The following PCDHGA11 variants were observed in gnomAD, a reference collection of about 807,000 sequenced individuals.
PCDHGA11 encodes protocadherin gamma subfamily A, 11, also known as protocadherin gamma-A11.
In PCDHGA11, 39 loss-of-function variants were observed where a neutral mutation model predicts 60.4. The observed-to-expected ratio is 0.65, with a 90% confidence interval of 0.50 to 0.84. PCDHGA11 has a LOEUF of 0.84. Among genes scored for constraint, PCDHGA11 ranks in the 40% least tolerant of loss-of-function variants. The probability of loss-of-function intolerance (pLI) is 0.00; values close to 1 mark genes in which losing one functional copy is unlikely to be tolerated. For missense variants in PCDHGA11, 1,165 were observed against 1,197.7 expected (o/e 0.97, Z 0.40); for synonymous variants, 533 against 510.3 (o/e 1.04, Z -0.60).
At chr5:141,436,324 G>A (rs972756085) in intron 1 of PCDHGA11, among the ~76,000 whole-genome samples, 10 of 152,134 alleles carry the variant, frequency 6.6e-5, no homozygotes, top group African/African-American at 2.4e-4. Flanking sequence ...AAGACTGTTA[G>A]ACCATATCTC....
At chr5:141,428,175 G>A (rs766332920) in intron 1 of PCDHGA11, 20 of 1,508,456 alleles carry the variant, frequency 1.3e-5, no homozygotes, top group Non-Finnish European at 1.8e-5. Flanking sequence ...GTGCGTGACG[G>A]AGGACAGCCG....
Position 141,511,212 on chromosome 5 carries a change from C to T in PCDHGA11, c.*39C>T. ...CCAAGAGCCACAGGGCGGCCTCTCC[C>T]CAACCAGCCCAGCTTCTCCTTACCT... is the stretch of plus-strand genomic sequence containing the variant. On this transcript the variant is annotated 3_prime_UTR_variant, in exon 4 of 4. Coordinates refer to ENST00000398587, the MANE Select transcript of PCDHGA11 (RefSeq NM_018914.3). 6.2e-7 allele frequency: 1 copy of T among 1,608,656 alleles called. No individual in the cohort carries two copies. Among genetic ancestry groups the T allele is most frequent in the Non-Finnish European group, 8.5e-7 (1 of 1,177,502 alleles).
chr5:141,506,228 A>T (rs538354130), intron 3 of PCDHGA11, among the ~76,000 whole-genome samples: 1 of 152,266 alleles, frequency 6.6e-6, no homozygotes, highest in East Asian at 1.9e-4. Context: ...AGGCAGGAGG[A>T]TCATGAGGTC....
Position 141,476,752 on chromosome 5 carries a change from A to T in PCDHGA11, c.2434-18055A>T, listed in dbSNP as rs771355583. On this transcript the variant is annotated intron_variant, in intron 1 of 3. Coordinates refer to ENST00000398587, the MANE Select transcript of PCDHGA11 (RefSeq NM_018914.3). This position sits in a 1 kb window ranked among gnomAD's most constrained non-coding sequence, Gnocchi z 7.6. ...GAGAACGGGAGCCTAGTCTCCAGTTAGTGCTGACGGCGTTGGACGGAGGGA... is the reference window on the plus strand; with the variant it reads ...GAGAACGGGAGCCTAGTCTCCAGTTTGTGCTGACGGCGTTGGACGGAGGGA... 1.2e-6 allele frequency: 2 copies of T among 1,613,926 alleles called. No individual in the cohort carries two copies. Among genetic ancestry groups the T allele is most frequent in the South Asian group, 2.2e-5 (2 of 91,080 alleles).
At position 141,486,691 on chromosome 5, in the gene PCDHGA11, T is replaced by C. The variant is rs778748447; in HGVS notation, c.2434-8116T>C. 8 of 1,614,024 alleles carry C rather than the reference T, an allele frequency of 5.0e-6. No individual in the cohort carries two copies. The highest frequency in any genetic ancestry group is 1.3e-5 in the African/African-American group (1 of 74,922). The stretch of plus-strand genomic sequence containing the variant: ...GGAATCGAGATGTATCAGCTTCCTC[T>C]TTCATCTCTCTGAACCCCCAGACAG... On this transcript the variant is annotated intron_variant, in intron 1 of 3. Coordinates refer to ENST00000398587, the MANE Select transcript of PCDHGA11 (RefSeq NM_018914.3). The surrounding 1 kb of genome is among the most constrained non-coding windows in gnomAD (Gnocchi z 5.0).
chr5:141,428,063 C>T lies in PCDHGA11; in HGVS notation c.2433+4403C>T, dbSNP rs777477669. 12 of 1,609,054 alleles carry T rather than the reference C, an allele frequency of 7.5e-6. No individual in the cohort carries two copies. In the African/African-American group the frequency reaches 1.3e-4, roughly 18 times the overall value. ...TGGTGACCAAGGTGGTGGCGGTGGA[C>T]GCAGATTCGGGACACAACGCTTGGC... On this transcript the variant is annotated intron_variant, in intron 1 of 3. Coordinates refer to ENST00000398587, the MANE Select transcript of PCDHGA11 (RefSeq NM_018914.3).
Position 141,493,760 on chromosome 5 carries a change from G to C in PCDHGA11, c.2434-1047G>C, listed in dbSNP as rs1268832909. On this transcript the variant is annotated intron_variant, in intron 1 of 3. Coordinates refer to ENST00000398587, the MANE Select transcript of PCDHGA11 (RefSeq NM_018914.3). The surrounding 1 kb of genome is among the most constrained non-coding windows in gnomAD (Gnocchi z 4.3). ...ACTGCCACCTGTGAGCCTTGAGTGA[G>C]CCACTGGCAGTTCCGGAGCTTCCTT... Among the ~76,000 whole-genome samples, 1 of 152,166 alleles carries C rather than the reference G, an allele frequency of 6.6e-6. No individual in the cohort carries two copies. The highest frequency in any genetic ancestry group is 1.5e-5 in the Non-Finnish European group (1 of 68,022).
intron 1 of PCDHGA11, among the ~76,000 whole-genome samples, chr5:141,445,248 T>C (rs1264046214): frequency 6.6e-6 from 1 of 152,224 alleles, no homozygotes; most frequent in African/African-American, 2.4e-5. Flanking sequence ...CACTATATTG[T>C]GTGAGAATAT....
At position 141,489,049 on chromosome 5, in the gene PCDHGA11, T is replaced by G; in HGVS notation, c.2434-5758T>G. 2.1e-6 allele frequency: 1 copy of G among 477,660 alleles called. No homozygotes were observed. Among genetic ancestry groups the G allele is most frequent in the Non-Finnish European group, 3.7e-6 (1 of 272,910 alleles). 29.6% of individuals were successfully genotyped at this position (477,660 alleles called of 1,614,324 possible). On this transcript the variant is annotated intron_variant, in intron 1 of 3. Transcript: ENST00000398587. The surrounding 1 kb of genome is among the most constrained non-coding windows in gnomAD (Gnocchi z 4.5). ...CTCCAGCTCCCCAGCTCCACTCAAA[T>G]TCAGCTCCCCTCCCCCCTGCCCACC... is the stretch of plus-strand genomic sequence containing the variant.
chr5:141,441,811 C>A (rs1007948586), intron 1 of PCDHGA11: 2 of 370,710 alleles, frequency 5.4e-6, no homozygotes, highest in African/African-American at 2.2e-5. Flanking sequence ...GTGCTGTACC[C>A]CAGCTCTGGA....
chr5:141,451,299 A>T (rs1016384424), intron 1 of PCDHGA11, among the ~76,000 whole-genome samples: 17 of 152,228 alleles, frequency 1.1e-4, no homozygotes, highest in African/African-American at 3.4e-4. Flanking sequence ...AAAGTCTTAC[A>T]AGGCAGCAAT....
At position 141,485,398 on chromosome 5, in the gene PCDHGA11, C is replaced by T. The variant is rs906016330; in HGVS notation, c.2434-9409C>T. The T allele has an allele frequency of 1.3e-5, 21 of 1,614,044 alleles. No individual in the cohort carries two copies. The highest frequency in any genetic ancestry group is 1.8e-5 in the Non-Finnish European group (21 of 1,179,928). On this transcript the variant is annotated intron_variant, in intron 1 of 3. Coordinates refer to ENST00000398587, the MANE Select transcript of PCDHGA11 (RefSeq NM_018914.3). This position sits in a 1 kb window ranked among gnomAD's most constrained non-coding sequence, Gnocchi z 5.7. ...CTGGAGAGGTGAACCAAAGACACTT[C>T]CGTGTGGATTTGGACAGCGGAGCCC...
At chr5:141,464,327 C>G (rs893319708) in intron 1 of PCDHGA11, among the ~76,000 whole-genome samples, 15 of 150,890 alleles carry the variant, frequency 9.9e-5, no homozygotes, top group African/African-American at 3.7e-4. Flanking sequence ...TCTGTTCAAC[C>G]CATCTATGAC....
intron 1 of PCDHGA11, chr5:141,441,480 T>A (rs1679700290): frequency 5.9e-6 from 1 of 170,298 alleles, no homozygotes. Flanking sequence ...CCAACGACAA[T>A]GCTCTGGTTT....
chr5:141,506,085 G>A lies in PCDHGA11; in HGVS notation c.2581+604G>A, dbSNP rs532931472. Among the ~76,000 whole-genome samples the A allele has an allele frequency of 2.6e-4, 39 of 152,168 alleles. 1 individual carries two copies. In the South Asian group the frequency reaches 2.9e-3, roughly 11 times the overall value. On this transcript the variant is annotated intron_variant, in intron 3 of 3. Coordinates refer to ENST00000398587, the MANE Select transcript of PCDHGA11 (RefSeq NM_018914.3). ...AGGGCTTCCTTTGTAATAGAGATTC[G>A]GCTAGTGGTGGTTGTCCCTGAAGAG...
intron 1 of PCDHGA11, among the ~76,000 whole-genome samples, chr5:141,474,770 G>A (rs1221980722): frequency 6.6e-6 from 1 of 152,204 alleles, no homozygotes; most frequent in African/African-American, 2.4e-5. Context: ...GAAATAGTAT[G>A]AGGCTCTAAC....
At chr5:141,470,589 G>A (rs1593264687) in intron 1 of PCDHGA11, among the ~76,000 whole-genome samples, 1 of 152,300 alleles carries the variant, frequency 6.6e-6, no homozygotes, top group East Asian at 1.9e-4. Flanking sequence ...TCATAGGCAG[G>A]CGACCTGTGC....
At position 141,485,287 on chromosome 5, in the gene PCDHGA11, G is replaced by A. The variant is rs1396496143; in HGVS notation, c.2434-9520G>A. 5.0e-6 allele frequency: 8 copies of A among 1,614,064 alleles called. No individual in the cohort carries two copies. The highest frequency in any genetic ancestry group is 6.8e-6 in the Non-Finnish European group (8 of 1,180,002). On this transcript the variant is annotated intron_variant, in intron 1 of 3. Transcript: ENST00000398587. The surrounding 1 kb of genome is among the most constrained non-coding windows in gnomAD (Gnocchi z 5.7). ...AGATCCGCTACCCGGTCCCAGAGGA[G>A]TCACAGGAAGGGACTTTTGTAGGGA...
At position 141,422,178 on chromosome 5, in the gene PCDHGA11, G is replaced by A. The variant is rs1561799748; in HGVS notation, c.951G>A (p.Glu317=). The A allele has an allele frequency of 1.9e-6, 3 of 1,563,306 alleles. No individual in the cohort carries two copies. Among genetic ancestry groups the A allele is most frequent in the Non-Finnish European group, 1.7e-6 (2 of 1,159,432 alleles). ...ATTTTGAAAAATATAGATTCTATGAGATGGAAATTCAAGGCCAAGATGGTG... is the reference window on the plus strand; with the variant it reads ...ATTTTGAAAAATATAGATTCTATGAAATGGAAATTCAAGGCCAAGATGGTG... ...SLDFEKYRFY[E]MEIQGQDGGG... Residue 317 remains glutamate, a synonymous_variant, in exon 1 of 4, where the codon GAG becomes GAA. Transcript: ENST00000398587.
Sources: gnomAD v4.1 joint callset for allele counts (sites outside exome capture counted in the v4.1 genomes callset) on GRCh38, gnomAD v4.1.1 for gene constraint, Gnocchi (gnomAD v3.1) non-coding constraint, MANE v1.5 for transcripts, NCBI Gene and HGNC (gene_info 2026-07-23, HGNC 2026-07-21) for gene names.